Variants in CPN1 observed in about 807,000 individuals in gnomAD.
The protein encoded by CPN1 is carboxypeptidase N catalytic chain.
A neutral mutation model predicts 46.4 loss-of-function variants in CPN1; 37 were observed. The ratio of observed to expected loss-of-function variants is 0.80; its 90% CI spans 0.61 to 1.05. The LOEUF (loss-of-function observed/expected upper bound fraction) is 1.05. CPN1 is among the 50% of genes least tolerant of loss of function. The pLI is 0.00. For missense variants in CPN1, 563 were observed against 602.6 expected (o/e 0.93, Z 0.69); for synonymous variants, 224 against 235.4 (o/e 0.95, Z 0.44).
chr10:100,064,771 T>C (rs1361924725), intron 4 of CPN1, among the ~76,000 whole-genome samples: 4 of 152,148 alleles, frequency 2.6e-5, no homozygotes, highest in Admixed American at 2.6e-4. Context: ...TTAAACCTTT[T>C]TCATGTAGTC....
intron 7 of CPN1, 33 bp from the exon 8 acceptor site, chr10:100,048,909 G>T: frequency 2.0e-6 from 3 of 1,526,306 alleles, no homozygotes; most frequent in South Asian, 1.1e-5. Flanking sequence ...TCAGTCTACT[G>T]ATTAAAAATC....
In CPN1 at chr10:100,067,845, T is replaced by A. The variant is rs558524388; in HGVS notation, c.576+1869A>T. On this transcript the variant is annotated intron_variant, in intron 3 of 8. Transcript: ENST00000370418. Reference sequence around the variant, plus strand: ...GGAGGGTATAGTAATGATAAAGTAGTCAAAGGTCATATAGAAGGGGAAAAG... The same window carrying A: ...GGAGGGTATAGTAATGATAAAGTAGACAAAGGTCATATAGAAGGGGAAAAG... Among the ~76,000 whole-genome samples, 13 of 152,050 alleles carry A rather than the reference T, an allele frequency of 8.5e-5. No individual in the cohort carries two copies. In the East Asian group the frequency reaches 2.5e-3, roughly 30 times the overall value.
At chr10:100,047,539 T>A (rs1564770183) in intron 8 of CPN1, among the ~76,000 whole-genome samples, 1 of 152,232 alleles carries the variant, frequency 6.6e-6, no homozygotes. Context: ...TAGCTGATAC[T>A]TTTTTTGTCC....
chr10:100,068,852 A>G (rs974621884), intron 3 of CPN1, among the ~76,000 whole-genome samples: 5 of 142,868 alleles, frequency 3.5e-5, no homozygotes, highest in African/African-American at 4.9e-5. Context: ...GCCTCTTTCT[A>G]TAGCTAATTG....
At chr10:100,076,335 T>C (rs1302678013) in intron 1 of CPN1, among the ~76,000 whole-genome samples, 1 of 152,180 alleles carries the variant, frequency 6.6e-6, no homozygotes, top group Admixed American at 6.5e-5. Context: ...CCCCATAGTG[T>C]ACTAGACAGT....
At chr10:100,047,220 T>C (rs1369938770) in intron 8 of CPN1, among the ~76,000 whole-genome samples, 1 of 151,926 alleles carries the variant, frequency 6.6e-6, no homozygotes, top group Non-Finnish European at 1.5e-5. Context: ...ACACTCCCTG[T>C]CTCTATGAAA....
At chr10:100,045,829 C>G (rs1307450784) in intron 8 of CPN1, among the ~76,000 whole-genome samples, 2 of 152,160 alleles carry the variant, frequency 1.3e-5, no homozygotes, top group Non-Finnish European at 2.9e-5. Flanking sequence ...ACAAGCTTGA[C>G]TGGACTGCAT....
rs1382018151 is a variant in CPN1 at position 100,042,200 on chromosome 10, A to C, written c.*227T>G. 1 of 541,672 alleles carries C rather than the reference A, an allele frequency of 1.8e-6. No individual in the cohort carries two copies. The highest frequency in any genetic ancestry group is 3.3e-6 in the Non-Finnish European group (1 of 305,782). 33.6% of individuals were successfully genotyped at this position (541,672 alleles called of 1,614,324 possible). A position where few individuals can be genotyped will look rare whatever the true frequency, so the allele number is the denominator to read the frequency against. On this transcript the variant is annotated 3_prime_UTR_variant, in exon 9 of 9. Transcript: ENST00000370418. ...CGGCCTCCCAAAGTGCTAGGATTACAGATGTGAGCCACCACACCCGGCCAC... is the reference window on the plus strand; with the variant it reads ...CGGCCTCCCAAAGTGCTAGGATTACCGATGTGAGCCACCACACCCGGCCAC...
At chr10:100,050,287 G>A (rs1175239592) in intron 7 of CPN1, among the ~76,000 whole-genome samples, 1 of 152,192 alleles carries the variant, frequency 6.6e-6, no homozygotes, top group Non-Finnish European at 1.5e-5. Context: ...GTGAGAGGTG[G>A]AGGCTGCAGT....
intron 2 of CPN1, among the ~76,000 whole-genome samples, chr10:100,075,501 A>C (rs1255365998): frequency 6.6e-6 from 1 of 152,248 alleles, no homozygotes; most frequent in Non-Finnish European, 1.5e-5. Context: ...GCAAATGGAA[A>C]TGTAGTGTGG....
intron 3 of CPN1, among the ~76,000 whole-genome samples, chr10:100,066,537 G>A (rs1360992576): frequency 6.6e-6 from 1 of 152,226 alleles, no homozygotes; most frequent in East Asian, 1.9e-4. Context: ...AGATGGGCCA[G>A]TCTTGGCTAA....
At chr10:100,051,721 G>C (rs1783000482) in intron 7 of CPN1, among the ~76,000 whole-genome samples, 1 of 151,880 alleles carries the variant, frequency 6.6e-6, no homozygotes, top group African/African-American at 2.4e-5. Flanking sequence ...TAGAGACGGG[G>C]TTTTACCACG....
rs762442487 is a variant in CPN1 at position 100,063,643 on chromosome 10, T to C, written c.842A>G (p.Asn281Ser). The part of the protein sequence containing the change: ...CGDYFPDGIT[N>S]GASWYSLSKG... ...GCTGAGAGAATACCAGGAAGCCCCA[T>C]TGGTGATGCCATCTGGGAAGTAATC... The change falls in exon 5 of 9, where the codon AAT becomes AGT. Residue 281 changes from asparagine to serine, a missense_variant. Transcript: ENST00000370418. 2.5e-6 allele frequency: 4 copies of C among 1,613,860 alleles called. No individual in the cohort carries two copies. Among genetic ancestry groups the C allele is most frequent in the South Asian group, 1.1e-5 (1 of 91,078 alleles).
chr10:100,079,538 G>T, intron 1 of CPN1, among the ~76,000 whole-genome samples: 1 of 152,328 alleles, frequency 6.6e-6, no homozygotes, highest in East Asian at 1.9e-4. Flanking sequence ...GAACACTCAC[G>T]AGCTTCCACA....
chr10:100,064,825 G>A (rs1490374106), intron 4 of CPN1, among the ~76,000 whole-genome samples: 1 of 151,668 alleles, frequency 6.6e-6, no homozygotes, highest in Non-Finnish European at 1.5e-5. Context: ...TACTATCACA[G>A]TCTATTTTTC....
At chr10:100,068,514 C>T (rs1470216528) in intron 3 of CPN1, among the ~76,000 whole-genome samples, 4 of 150,548 alleles carry the variant, frequency 2.7e-5, no homozygotes, top group African/African-American at 7.3e-5. Flanking sequence ...CGCCCAGTCC[C>T]GAAAACTAAG....
At position 100,081,410 on chromosome 10, in the gene CPN1, G is replaced by A. The variant is rs372205929; in HGVS notation, c.216C>T (p.His72=). Residue 72 remains histidine, a synonymous_variant, in exon 1 of 9, where the codon CAC becomes CAT. Transcript: ENST00000370418. ...VLEFSDHPGI[H]EPLEPEVKYV... ...GAGCTGTTCAGAACTTACAGGGCTC[G>A]TGGATTCCAGGGTGGTCGCTGAACT... 1.2e-6 allele frequency: 2 copies of A among 1,612,346 alleles called. No homozygotes were observed. Among genetic ancestry groups the A allele is most frequent in the Non-Finnish European group, 1.7e-6 (2 of 1,179,748 alleles).
intron 2 of CPN1, 139 bp downstream of exon 2, chr10:100,075,772 T>C (rs1056365143): frequency 2.1e-6 from 2 of 965,164 alleles, no homozygotes; most frequent in Admixed American, 2.1e-5. Context: ...TTCTGATGGA[T>C]TTTTTCTCTT....
At chr10:100,062,140 G>A (rs921224914) in intron 5 of CPN1, among the ~76,000 whole-genome samples, 2 of 152,184 alleles carry the variant, frequency 1.3e-5, no homozygotes, top group Non-Finnish European at 2.9e-5. Context: ...CCTGGGCCAT[G>A]GCCAGGTCAG....
Sources: allele counts gnomAD v4.1 joint callset (sites outside exome capture counted in the v4.1 genomes callset), GRCh38; gene constraint gnomAD v4.1.1; transcripts MANE v1.5; gene names NCBI Gene and HGNC (gene_info 2026-07-23, HGNC 2026-07-21).